FRK: variants seen among roughly 807,000 people sequenced by gnomAD.
The protein encoded by FRK is fyn related Src family tyrosine kinase.
In FRK, 51 loss-of-function variants were observed where a neutral mutation model predicts 56.4. The observed-to-expected ratio is 0.90, with a 90% CI of 0.72 to 1.14. The LOEUF (loss-of-function observed/expected upper bound fraction) is 1.14. Ranked by LOEUF, FRK falls within the 50% of genes most tolerant of loss-of-function variation. The pLI is 0.00. For synonymous variants in FRK, 245 were observed against 217.9 expected, an observed-to-expected ratio of 1.12 and a Z score of -1.10; for missense variants, 570 against 601.4, an observed-to-expected ratio of 0.95 and a Z score of 0.55.
Position 116,059,984 on chromosome 6 carries a change from T to G in FRK, c.328A>C (p.Ser110Arg). ...IPSNYVAEDRSLQAEPWFFGA... is the reference protein window; with the variant it reads ...IPSNYVAEDRRLQAEPWFFGA... Reference sequence around the variant, plus strand: ...ACTACTCACGGCTCTGCCTGTAGGCTTCTGTCCTCAGCCACGTAGTTAGAA... The same window carrying G: ...ACTACTCACGGCTCTGCCTGTAGGCGTCTGTCCTCAGCCACGTAGTTAGAA... The change falls in exon 1 of 8, where the codon AGC becomes CGC. Residue 110 changes from serine to arginine, a missense_variant. By Grantham distance (110) the Ser-to-Arg change is moderately radical (BLOSUM62 -1). Coordinates refer to ENST00000606080, the MANE Select transcript of FRK (RefSeq NM_002031.3). The G allele has an allele frequency of 6.2e-7, 1 of 1,614,102 alleles. No individual in the cohort carries two copies. The highest frequency in any genetic ancestry group is 8.5e-7 in the Non-Finnish European group (1 of 1,179,930).
chr6:116,017,943 C>T (rs1270669554), intron 1 of FRK, among the ~76,000 whole-genome samples: 1 of 152,154 alleles, frequency 6.6e-6, no homozygotes, highest in Non-Finnish European at 1.5e-5. Context: ...CAAATTCAAT[C>T]CAAATGCTGT....
chr6:116,041,756 C>T (rs994712953), intron 1 of FRK, among the ~76,000 whole-genome samples: 7 of 152,192 alleles, frequency 4.6e-5, no homozygotes, highest in Non-Finnish European at 8.8e-5. Context: ...AACCCACAGA[C>T]GAGGAGATTC....
intron 1 of FRK, among the ~76,000 whole-genome samples, chr6:116,024,057 TACACACACACACACACAC>T (rs55922355): frequency 3.0e-4 from 41 of 136,592 alleles, no homozygotes; most frequent in Non-Finnish European, 5.2e-4. Flanking sequence ...CCTGAGAACT[TACACACACACACACACAC>T]ACACACACAC....
At chr6:116,093,936 C>A in the FRK span, among the ~76,000 whole-genome samples, 1 of 152,116 alleles carries the variant, frequency 6.6e-6, no homozygotes. Flanking sequence ...CATTATTAAA[C>A]CTGGCAACCT....
At chr6:115,982,612 A>G (rs755455026) in intron 2 of FRK, among the ~76,000 whole-genome samples, 8 of 152,024 alleles carry the variant, frequency 5.3e-5, no homozygotes, top group Non-Finnish European at 1.2e-4. Context: ...TCATCTTCCT[A>G]ATGACCCTTA....
At chr6:116,039,918 G>A (rs544637206) in intron 1 of FRK, among the ~76,000 whole-genome samples, 5 of 148,690 alleles carry the variant, frequency 3.4e-5, no homozygotes, top group Non-Finnish European at 5.9e-5. Flanking sequence ...AACCACCCAC[G>A]TGTGAGGGAA....
intron 4 of FRK, among the ~76,000 whole-genome samples, chr6:115,958,059 T>C (rs1040875456): frequency 3.3e-5 from 5 of 152,086 alleles, no homozygotes; most frequent in Admixed American, 2.0e-4. Flanking sequence ...TAGGAGAAAA[T>C]GGCCGATTCT....
rs1777579712 is a variant in FRK at position 116,060,283 on chromosome 6, TC to T, written c.28del (p.Glu10SerfsTer3). 1 of 1,613,862 alleles carries T rather than the reference TC, an allele frequency of 6.2e-7. No individual in the cohort carries two copies. The highest frequency in any genetic ancestry group is 8.5e-7 in the Non-Finnish European group (1 of 1,179,966). MSNICQRLW[E>X]YLEPYLPCLS... is the part of the protein sequence containing the mutation. ...ACAGGGGAGATAGGGTTCTAGGTAC[TC>T]CCAGAGCCTCTGACAGATGTTGCTC... On this transcript the variant is annotated frameshift_variant, in exon 1 of 8. Coordinates refer to ENST00000606080, the MANE Select transcript of FRK (RefSeq NM_002031.3). LOFTEE classifies it high-confidence loss of function.
At chr6:115,968,452 A>G in intron 3 of FRK, 124 bp downstream of exon 3, 1 of 1,040,788 alleles carries the variant, frequency 9.6e-7, no homozygotes, top group Non-Finnish European at 1.4e-6. Flanking sequence ...TGGTTTGCCT[A>G]TACCCGCCTG....
At position 115,956,478 on chromosome 6, in the gene FRK, T is replaced by C. The variant is rs1332777980; in HGVS notation, c.932A>G (p.His311Arg). 1.3e-6 allele frequency: 2 copies of C among 1,553,474 alleles called. No homozygotes were observed. Among genetic ancestry groups the C allele is most frequent in the Non-Finnish European group, 1.7e-6 (2 of 1,150,572 alleles). Residue 311 changes from histidine (H) to arginine (R), a missense_variant, in exon 5 of 8, where the codon CAT (histidine) becomes CGT (arginine). Coordinates refer to ENST00000606080, the MANE Select transcript of FRK (RefSeq NM_002031.3). ...PIYIITELMR[H>R]GSLQEYLQND... ...TTGGAGATATTCTTGCAGACTTCCA[T>C]GTCTCATCAACTCTGTAATAATATA...
chr6:115,967,713 C>T lies in FRK; in HGVS notation c.637G>A (p.Val213Ile), dbSNP rs1194027429. ...KLGKPCLKIQVPAPFDLSYKT... is the reference protein window; with the variant it reads ...KLGKPCLKIQIPAPFDLSYKT... ...TACGACAAATCAAATGGAGCTGGGA[C>T]CTGGATCTGTTTCATAGAATAATAA... The change falls in exon 4 of 8, where the codon GTC becomes ATC. Residue 213 changes from valine (V) to isoleucine (I), a missense_variant. Physicochemically the swap from Val to Ile is conservative, Grantham distance 29. Coordinates refer to ENST00000606080, the MANE Select transcript of FRK (RefSeq NM_002031.3). The T allele has an allele frequency of 6.3e-7, 1 of 1,594,954 alleles. No homozygotes were observed. Among genetic ancestry groups the T allele is most frequent in the Non-Finnish European group, 8.6e-7 (1 of 1,169,504 alleles).
intron 1 of FRK, among the ~76,000 whole-genome samples, chr6:116,030,353 A>G (rs1187070132): frequency 1.3e-5 from 2 of 152,266 alleles, no homozygotes; most frequent in East Asian, 3.9e-4. Context: ...CTCAGCCAAA[A>G]TCATTTCCCA....
chr6:116,014,533 G>A lies in FRK; in HGVS notation c.345-10535C>T, dbSNP rs570013161. ...CCAAAAAGGTATTTGTGAGCAGATT[G>A]GTTTAATGAACAGCAGTGGTCAGGG... On this transcript the variant is annotated intron_variant, in intron 1 of 7. Coordinates refer to ENST00000606080, the MANE Select transcript of FRK (RefSeq NM_002031.3). Among the ~76,000 whole-genome samples the A allele has an allele frequency of 2.6e-5, 4 of 151,836 alleles. No individual in the cohort carries two copies. In the South Asian group the frequency reaches 6.2e-4, roughly 24 times the overall value.
intron 2 of FRK, among the ~76,000 whole-genome samples, chr6:115,994,338 C>CCCTT (rs1554230544): frequency 2.7e-4 from 25 of 91,766 alleles, no homozygotes; most frequent in Non-Finnish European, 4.4e-4. Flanking sequence ...CCCCCCCCGC[C>CCCTT]TTTTTTTTGT....
intron 2 of FRK, among the ~76,000 whole-genome samples, chr6:115,977,512 C>T (rs1434251018): frequency 6.6e-6 from 1 of 152,154 alleles, no homozygotes. Flanking sequence ...TGAATTAGAT[C>T]ATGATCCATT....
At chr6:115,955,730 C>T (rs1772957155) in intron 5 of FRK, among the ~76,000 whole-genome samples, 1 of 152,156 alleles carries the variant, frequency 6.6e-6, no homozygotes, top group Non-Finnish European at 1.5e-5. Flanking sequence ...TCCACCCTGA[C>T]ATTTCAAGAA....
upstream of FRK, among the ~76,000 whole-genome samples, chr6:116,063,129 T>G (rs764227910): frequency 6.6e-6 from 1 of 152,294 alleles, no homozygotes; most frequent in Non-Finnish European, 1.5e-5. Flanking sequence ...TAAGAGTAGC[T>G]ATCTGTTTGG....
At chr6:116,096,763 G>A in the FRK span, among the ~76,000 whole-genome samples, 43 of 152,276 alleles carry the variant, frequency 2.8e-4, no homozygotes, top group African/African-American at 5.8e-4. Flanking sequence ...AGCCAGCAGC[G>A]GCAACCCACT....
chr6:116,091,073 G>T, the FRK span, among the ~76,000 whole-genome samples: 1 of 152,094 alleles, frequency 6.6e-6, no homozygotes, highest in Non-Finnish European at 1.5e-5. Flanking sequence ...CACAATCTTT[G>T]TAAGAAGTTT....
Sources: allele counts gnomAD v4.1 joint callset (sites outside exome capture counted in the v4.1 genomes callset), GRCh38; gene constraint gnomAD v4.1.1; transcripts MANE v1.5; gene names NCBI Gene and HGNC (gene_info 2026-07-23, HGNC 2026-07-21).